The following ELF5 variants were observed in gnomAD, a reference collection of about 807,000 sequenced individuals.
ELF5 encodes the protein E74 like ETS transcription factor 5.
A neutral mutation model predicts 38.2 loss-of-function variants in ELF5; 31 were observed. That is an observed-to-expected ratio of 0.81 (90% CI 0.61 to 1.10). ELF5 has a LOEUF of 1.10. Among genes scored for constraint, ELF5 ranks in the 50% least tolerant of loss-of-function variants. The pLI is 0.00. For synonymous variants in ELF5, 121 were observed against 112.5 expected (o/e 1.08, Z -0.48); for missense variants, 300 against 306.6 (o/e 0.98, Z 0.16).
rs1856877729 is a variant in ELF5 at position 34,479,553 on chromosome 11, T to C, written c.*665A>G. 1 of 152,198 alleles carries C rather than the reference T, an allele frequency of 6.6e-6. No individual in the cohort carries two copies. Among genetic ancestry groups the C allele is most frequent in the African/African-American group, 2.4e-5 (1 of 41,440 alleles). 9.4% of individuals were successfully genotyped at this position (152,198 alleles called of 1,614,324 possible). The stretch of plus-strand genomic sequence containing the variant: ...CCAGCTTGATGGCTTAGCTCTTTCA[T>C]TAATTAAGATACTTTTCTGCCCAGG... On this transcript the variant is annotated 3_prime_UTR_variant, in exon 7 of 7. Coordinates refer to ENST00000257832, the MANE Select transcript of ELF5 (RefSeq NM_001422.4).
chr11:34,482,013 C>T (rs945888934), intron 5 of ELF5, among the ~76,000 whole-genome samples: 6 of 152,264 alleles, frequency 3.9e-5, no homozygotes, highest in South Asian at 2.1e-4. Context: ...TGCCAATTCC[C>T]GGTGTTTTCT....
At chr11:34,506,813 C>G (rs980940315) in intron 1 of ELF5, among the ~76,000 whole-genome samples, 3 of 150,828 alleles carry the variant, frequency 2.0e-5, no homozygotes, top group South Asian at 4.2e-4. Flanking sequence ...AGAAACTGGC[C>G]GAAAAAAATA....
chr11:34,504,802 G>A (rs1310432093), intron 2 of ELF5, among the ~76,000 whole-genome samples: 1 of 152,182 alleles, frequency 6.6e-6, no homozygotes. Context: ...CCTCCGGCAT[G>A]GGATTTTCTC....
chr11:34,488,539 G>A (rs1850070256), intron 4 of ELF5, among the ~76,000 whole-genome samples: 1 of 152,206 alleles, frequency 6.6e-6, no homozygotes, highest in Admixed American at 6.5e-5. Context: ...TTCATAGGAA[G>A]CACTCAATAA....
intron 5 of ELF5, among the ~76,000 whole-genome samples, chr11:34,482,222 T>C (rs1856957586): frequency 6.6e-6 from 1 of 152,250 alleles, no homozygotes. Context: ...TTTGCTATTG[T>C]CAGATGCTTA....
intron 2 of ELF5, among the ~76,000 whole-genome samples, chr11:34,498,654 G>A (rs1339531068): frequency 1.3e-5 from 2 of 152,132 alleles, no homozygotes; most frequent in Non-Finnish European, 2.9e-5. Context: ...TATCCCCAGG[G>A]TGCACAGAGC....
intron 4 of ELF5, among the ~76,000 whole-genome samples, chr11:34,489,700 G>C (rs747387784): frequency 6.6e-6 from 1 of 152,116 alleles, no homozygotes; most frequent in African/African-American, 2.4e-5. Flanking sequence ...CACTGGTGGC[G>C]CATGCTGGGC....
At chr11:34,492,294 C>G (rs990939381) in intron 3 of ELF5, 1 of 152,236 alleles carries the variant, frequency 6.6e-6, no homozygotes, top group Non-Finnish European at 1.5e-5. Context: ...GCTTTTCTGC[C>G]TTCAAGCGCT....
At chr11:34,494,943 G>C in intron 2 of ELF5, among the ~76,000 whole-genome samples, 1 of 152,176 alleles carries the variant, frequency 6.6e-6, no homozygotes, top group Non-Finnish European at 1.5e-5. Flanking sequence ...CATTATTATT[G>C]AATATCTACT....
At chr11:34,489,584 C>T (rs368066291) in intron 4 of ELF5, among the ~76,000 whole-genome samples, 2 of 152,298 alleles carry the variant, frequency 1.3e-5, no homozygotes, top group South Asian at 4.1e-4. Context: ...TAATTATAAA[C>T]TCTACCTGCT....
intron 4 of ELF5, among the ~76,000 whole-genome samples, chr11:34,484,669 G>A (rs751788362): frequency 3.3e-5 from 5 of 152,012 alleles, no homozygotes; most frequent in Admixed American, 6.6e-5. Context: ...ATGTCACCTC[G>A]CCAGCTGAAC....
intron 3 of ELF5, 76 bp from the exon 4 acceptor site, chr11:34,490,135 T>C (rs1850127039): frequency 2.0e-6 from 3 of 1,522,668 alleles, no homozygotes; most frequent in African/African-American, 2.7e-5. Flanking sequence ...AGAGGGGGTG[T>C]TGGAGGGAAG....
chr11:34,484,481 A>ATACTATCCTATACTATCCTAT lies in ELF5; in HGVS notation c.407-1983_407-1982insATAGGATAGTATAGGATAGTA, dbSNP rs111444312. 4.5e-3 allele frequency among the ~76,000 whole-genome samples: 517 copies of ATACTATCCTATACTATCCTAT among 115,914 alleles called. 3 individuals are homozygous for ATACTATCCTATACTATCCTAT. Among genetic ancestry groups the ATACTATCCTATACTATCCTAT allele is most frequent in the African/African-American group, 0.016 (488 of 30,028 alleles). The allele number at this position is 115,914 out of a possible 152,430, so 76.0% of individuals were successfully genotyped here. A position where few individuals can be genotyped will look rare whatever the true frequency, so the allele number is the denominator to read the frequency against. ...ATACTGTACTGTGCTACACTATACT[A>ATACTATCCTATACTATCCTAT]ACTATACTATACTATACTATACTAT... On this transcript the variant is annotated intron_variant, in intron 4 of 6. Transcript: ENST00000257832.
intron 2 of ELF5, among the ~76,000 whole-genome samples, chr11:34,504,258 A>G (rs1012934979): frequency 1.3e-5 from 2 of 152,250 alleles, no homozygotes; most frequent in Admixed American, 1.3e-4. Flanking sequence ...CAAGGGAAGG[A>G]GACACAGTAC....
At chr11:34,497,268 T>A (rs1850341363) in intron 2 of ELF5, among the ~76,000 whole-genome samples, 1 of 152,200 alleles carries the variant, frequency 6.6e-6, no homozygotes, top group Non-Finnish European at 1.5e-5. Flanking sequence ...TATAAAATAA[T>A]CTCAACATTT....
intron 2 of ELF5, among the ~76,000 whole-genome samples, chr11:34,493,982 G>C (rs1850250532): frequency 6.6e-6 from 1 of 152,106 alleles, no homozygotes; most frequent in Admixed American, 6.6e-5. Flanking sequence ...CAAAAAAAAA[G>C]GCATTTAGTG....
Position 34,485,023 on chromosome 11 carries a change from A to T in ELF5, c.407-2524T>A, listed in dbSNP as rs80210618. On this transcript the variant is annotated intron_variant, in intron 4 of 6. Transcript: ENST00000257832. ...TGGGCCTACCTTACTGGAAAGATCC[A>T]TCTCTTTTTCTCCTCCACTATCAGC... 3.5e-3 allele frequency among the ~76,000 whole-genome samples: 538 copies of T among 152,300 alleles called. 12 individuals carry two copies. In the East Asian group the frequency reaches 0.043, roughly 12 times the overall value.
At position 34,503,193 on chromosome 11, in the gene ELF5, CT is replaced by C. The variant is rs1334184258; in HGVS notation, c.121+2435del. On this transcript the variant is annotated intron_variant, in intron 2 of 6. Coordinates refer to ENST00000257832, the MANE Select transcript of ELF5 (RefSeq NM_001422.4). ...TTTTTTTTTGACCCAGAGTCTCCCCCTGTTGCTCAGGCTGGAGTGCAGTGGC... is the reference window on the plus strand; with the variant it reads ...TTTTTTTTTGACCCAGAGTCTCCCCCGTTGCTCAGGCTGGAGTGCAGTGGC... Among the ~76,000 whole-genome samples the C allele has an allele frequency of 4.6e-5, 7 of 152,222 alleles. No individual in the cohort carries two copies. The South Asian group carries it at 1.4e-3, about 32-fold the overall frequency.
intron 4 of ELF5, among the ~76,000 whole-genome samples, chr11:34,485,811 T>C (rs1849978524): frequency 6.6e-6 from 1 of 152,150 alleles, no homozygotes; most frequent in African/African-American, 2.4e-5. Flanking sequence ...CTGAGGCAGG[T>C]TCCCAAATCA....
Sources: gnomAD v4.1 joint callset for allele counts (sites outside exome capture counted in the v4.1 genomes callset) on GRCh38, gnomAD v4.1.1 for gene constraint, MANE v1.5 for transcripts, NCBI Gene and HGNC (gene_info 2026-07-23, HGNC 2026-07-21) for gene names.